Variants in CFAP54 observed in about 807,000 individuals in gnomAD.
CFAP54 encodes the protein cilia and flagella associated protein 54.
Under a neutral mutation model 370.4 loss-of-function variants are expected in CFAP54, and 290 were observed. The ratio of observed to expected loss-of-function variants is 0.78; its 90% CI spans 0.71 to 0.86. CFAP54 has a LOEUF of 0.86. Ranked by LOEUF, CFAP54 falls within the 40% of genes least tolerant of loss-of-function variation. CFAP54 has a pLI of 0.00. For synonymous variants in CFAP54, 1,206 were observed against 1,236.5 expected (o/e 0.98, Z 0.52); for missense variants, 3,399 against 3,528.7 (o/e 0.96, Z 0.93).
intron 50 of CFAP54, among the ~76,000 whole-genome samples, chr12:96,726,249 T>C (rs1957833793): frequency 1.3e-5 from 2 of 151,854 alleles, no homozygotes; most frequent in Non-Finnish European, 2.9e-5. Flanking sequence ...TCAGAAGGAA[T>C]GGTACCAGTT....
rs567117993 is a variant in CFAP54, at chr12:96,643,947, A to G, written c.4317-231A>G. Among the ~76,000 whole-genome samples, 31 of 152,286 alleles carry G rather than the reference A, an allele frequency of 2.0e-4. No homozygotes were observed. The South Asian group carries it at 6.4e-3, about 32-fold the overall frequency. On this transcript the variant is annotated intron_variant, in intron 32 of 67. Coordinates refer to ENST00000524981, the MANE Select transcript of CFAP54 (RefSeq NM_001306084.2). ...AGCTAAGGACACAGACTTCAGAGAG[A>G]GTTGAAGACAATACATGGTGTCTTT...
chr12:96,500,090 T>C (rs1346172616), intron 1 of CFAP54, among the ~76,000 whole-genome samples: 1 of 152,182 alleles, frequency 6.6e-6, no homozygotes, highest in African/African-American at 2.4e-5. Context: ...TAAACTGTAA[T>C]GCATCCAGAC....
intron 24 of CFAP54, 32 bp from the exon 25 acceptor site, chr12:96,594,259 C>G (rs815896): frequency 0.98 from 1,451,166 of 1,474,860 alleles, 713,985 homozygotes; most frequent in East Asian, 1. Context: ...CACCTATGTT[C>G]AATCTGAGTA....
At chr12:96,662,267 C>A (rs1244694235) in intron 38 of CFAP54, among the ~76,000 whole-genome samples, 2 of 152,142 alleles carry the variant, frequency 1.3e-5, no homozygotes, top group Non-Finnish European at 2.9e-5. Context: ...TGCAGTGGAG[C>A]AATCTTGCCT....
chr12:96,586,852 T>C (rs1249429317), intron 22 of CFAP54, among the ~76,000 whole-genome samples: 3 of 152,152 alleles, frequency 2.0e-5, no homozygotes, highest in Non-Finnish European at 1.5e-5. Flanking sequence ...GGCTGCTACA[T>C]TGGAAATAGA....
At chr12:96,739,611 T>C (rs1487960905) in intron 50 of CFAP54, among the ~76,000 whole-genome samples, 1 of 152,224 alleles carries the variant, frequency 6.6e-6, no homozygotes, top group Non-Finnish European at 1.5e-5. Flanking sequence ...ATACATTTTG[T>C]TTTGGATCTT....
chr12:96,760,641 T>C (rs1230591393), intron 58 of CFAP54, among the ~76,000 whole-genome samples: 3 of 152,228 alleles, frequency 2.0e-5, no homozygotes, highest in African/African-American at 4.8e-5. Flanking sequence ...CAAGCAATTC[T>C]CCTGCCTCAG....
intron 50 of CFAP54, among the ~76,000 whole-genome samples, chr12:96,738,477 C>T (rs891780803): frequency 2.0e-5 from 3 of 152,210 alleles, no homozygotes; most frequent in Non-Finnish European, 2.9e-5. Flanking sequence ...TTGCCTCTTC[C>T]GGCTTCTGGC....
chr12:96,733,841 C>T (rs1009900063), intron 50 of CFAP54, among the ~76,000 whole-genome samples: 1 of 152,104 alleles, frequency 6.6e-6, no homozygotes, highest in African/African-American at 2.4e-5. Context: ...AACCTCATAC[C>T]TTGTTTCTCT....
At position 96,829,089 on chromosome 12, in the gene CFAP54, G is replaced by T; in HGVS notation, c.9171+1G>T. 1 of 1,482,046 alleles carries T rather than the reference G, an allele frequency of 6.7e-7. No individual in the cohort carries two copies. Among genetic ancestry groups the T allele is most frequent in the Non-Finnish European group, 9.1e-7 (1 of 1,101,070 alleles). 91.8% of individuals were successfully genotyped at this position (1,482,046 alleles called of 1,614,324 possible). A position where few individuals can be genotyped will look rare whatever the true frequency, so the allele number is the denominator to read the frequency against. Reference sequence around the variant, plus strand: ...TAAAGAGCCAACACCACTATCTGAGGTATGTATTTCTCCTTTAAAATTGTA... The same window carrying T: ...TAAAGAGCCAACACCACTATCTGAGTTATGTATTTCTCCTTTAAAATTGTA... On this transcript the variant is annotated splice_donor_variant, in intron 66 of 67. Coordinates refer to ENST00000524981, the MANE Select transcript of CFAP54 (RefSeq NM_001306084.2). LOFTEE classifies it high-confidence loss of function.
rs141640324 is a variant in CFAP54, at chr12:96,560,232, A to G, written c.2411-4236A>G. Among the ~76,000 whole-genome samples the G allele has an allele frequency of 8.8e-3, 1,344 of 152,228 alleles. 17 individuals carry two copies. The highest frequency in any genetic ancestry group is 0.03 in the African/African-American group (1,240 of 41,534). ...CACTGGAACTTTTTTCTTCTATCTA[A>G]CAATATGTTTGTACTCATTAACCAA... On this transcript the variant is annotated intron_variant, in intron 17 of 67. Coordinates refer to ENST00000524981, the MANE Select transcript of CFAP54 (RefSeq NM_001306084.2).
chr12:96,607,747 C>T (rs940223900), intron 26 of CFAP54, among the ~76,000 whole-genome samples: 1 of 150,818 alleles, frequency 6.6e-6, no homozygotes, highest in African/African-American at 2.4e-5. Flanking sequence ...GTTTTGTGAC[C>T]CAAAGAACAT....
intron 39 of CFAP54, among the ~76,000 whole-genome samples, chr12:96,678,304 G>A (rs968399770): frequency 6.6e-6 from 1 of 152,078 alleles, no homozygotes; most frequent in Non-Finnish European, 1.5e-5. Flanking sequence ...AGGCTGGAGT[G>A]CAGTGGCGCA....
intron 26 of CFAP54, among the ~76,000 whole-genome samples, chr12:96,615,348 C>T (rs1331423650): frequency 2.0e-5 from 3 of 152,084 alleles, no homozygotes; most frequent in Admixed American, 6.6e-5. Flanking sequence ...TTATACCTTA[C>T]ACAAAAATTA....
intron 50 of CFAP54, among the ~76,000 whole-genome samples, chr12:96,722,130 C>G (rs937535689): frequency 1.3e-5 from 2 of 152,174 alleles, no homozygotes; most frequent in Non-Finnish European, 1.5e-5. Context: ...TACCTCAGTG[C>G]CACCCACCAA....
chr12:96,495,508 A>G (rs1250453922), intron 1 of CFAP54, among the ~76,000 whole-genome samples: 1 of 147,882 alleles, frequency 6.8e-6, no homozygotes, highest in Non-Finnish European at 1.5e-5. Context: ...TTTAGTAGAG[A>G]CGGGATTTCG....
chr12:96,499,612 T>C (rs1450111994), intron 1 of CFAP54, among the ~76,000 whole-genome samples: 1 of 152,200 alleles, frequency 6.6e-6, no homozygotes, highest in African/African-American at 2.4e-5. Flanking sequence ...TGCTCCTTGG[T>C]ATTTACCCAA....
At chr12:96,691,432 T>C (rs1329353432) in intron 44 of CFAP54, 122 bp downstream of exon 44, 1 of 585,988 alleles carries the variant, frequency 1.7e-6, no homozygotes, top group Non-Finnish European at 2.8e-6. Flanking sequence ...AAACTCTATA[T>C]ATGTGGGATT....
At chr12:96,805,765 T>C (rs1958871121) in intron 63 of CFAP54, among the ~76,000 whole-genome samples, 1 of 152,100 alleles carries the variant, frequency 6.6e-6, no homozygotes, top group Non-Finnish European at 1.5e-5. Flanking sequence ...AAATAAATTA[T>C]TATGTCAAAA....
Sources: allele counts gnomAD v4.1 joint callset (sites outside exome capture counted in the v4.1 genomes callset), GRCh38; gene constraint gnomAD v4.1.1; transcripts MANE v1.5; gene names NCBI Gene and HGNC (gene_info 2026-07-23, HGNC 2026-07-21).